MAP2: variants seen among roughly 807,000 people sequenced by gnomAD.
MAP2 encodes microtubule-associated protein 2.
In MAP2, 14 loss-of-function variants were observed where a neutral mutation model predicts 137.6. That is an observed-to-expected ratio of 0.10 (90% CI 0.07 to 0.16). The LOEUF (loss-of-function observed/expected upper bound fraction) is 0.16. Ranked by LOEUF, MAP2 falls within the 10% of genes least tolerant of loss-of-function variation. MAP2 has a pLI of 1.00. For missense variants in MAP2, 2,088 were observed against 2,191.5 expected (o/e 0.95, Z 0.94); for synonymous variants, 786 against 782.3 (o/e 1.00, Z -0.08).
rs58330460 is a variant in MAP2, at chr2:209,593,634, AATATATATATATATATAT to A, written c.-107+13557_-107+13574del. Among the ~76,000 whole-genome samples the A allele has an allele frequency of 5.3e-4, 18 of 33,646 alleles. 3 individuals are homozygous for A. The highest frequency in any genetic ancestry group is 2.6e-3 in the South Asian group (2 of 782). The allele number at this position is 33,646 out of a possible 152,430, so 22.1% of individuals were successfully genotyped here. On this transcript the variant is annotated intron_variant, in intron 3 of 15. Transcript: ENST00000682079. ...CCTGTCTCTACAAAAAAAAAAAAAA[AATATATATATATATATAT>A]ATATATATATATATATATATATGTA...
intron 14 of MAP2, among the ~76,000 whole-genome samples, chr2:209,728,773 C>T (rs2075042017): frequency 1.3e-5 from 2 of 152,160 alleles, no homozygotes; most frequent in Non-Finnish European, 2.9e-5. Context: ...ACTTTATGTA[C>T]TCAACATGTT....
chr2:209,533,852 G>A (rs1046672882), intron 2 of MAP2, among the ~76,000 whole-genome samples: 2 of 152,176 alleles, frequency 1.3e-5, no homozygotes, highest in African/African-American at 2.4e-5. Context: ...TGAGACAGGG[G>A]TAAGGGGAGC....
chr2:209,482,714 T>C (rs1033109344), intron 1 of MAP2, among the ~76,000 whole-genome samples: 1 of 152,206 alleles, frequency 6.6e-6, no homozygotes, highest in African/African-American at 2.4e-5. Context: ...ATTTAAACAC[T>C]AACTGATAGA....
intron 3 of MAP2, among the ~76,000 whole-genome samples, chr2:209,588,767 A>T (rs2078440528): frequency 6.6e-6 from 1 of 152,084 alleles, no homozygotes; most frequent in Non-Finnish European, 1.5e-5. Flanking sequence ...CTTCAGGAAA[A>T]TTTGTGATAT....
At chr2:209,614,256 G>A (rs531490018) in intron 3 of MAP2, among the ~76,000 whole-genome samples, 22 of 152,072 alleles carry the variant, frequency 1.4e-4, no homozygotes, top group Non-Finnish European at 2.6e-4. Context: ...TCTGAAAAGA[G>A]CACAAAGGAT....
At chr2:209,521,735 T>C (rs370971991) in intron 2 of MAP2, among the ~76,000 whole-genome samples, 3 of 151,956 alleles carry the variant, frequency 2.0e-5, no homozygotes, top group Non-Finnish European at 2.9e-5. Flanking sequence ...TACCAGGAGA[T>C]TGGGATTTTG....
chr2:209,616,817 C>T (rs531889560), intron 3 of MAP2, among the ~76,000 whole-genome samples: 16 of 152,264 alleles, frequency 1.1e-4, no homozygotes, highest in Admixed American at 1.3e-4. Context: ...ATGTATTAGT[C>T]TGCCCAGCCT....
At chr2:209,554,840 G>C (rs2070148751) in intron 2 of MAP2, among the ~76,000 whole-genome samples, 1 of 149,462 alleles carries the variant, frequency 6.7e-6, no homozygotes, top group Non-Finnish European at 1.5e-5. Flanking sequence ...TGTTACCACA[G>C]AATTTAAATA....
chr2:209,517,670 T>C (rs1054869193), intron 2 of MAP2, among the ~76,000 whole-genome samples: 2 of 151,996 alleles, frequency 1.3e-5, no homozygotes, highest in African/African-American at 4.8e-5. Flanking sequence ...GTATCCCACA[T>C]AGATATTCAA....
rs1278696274 is a variant in MAP2, at chr2:209,710,261, A to G, written c.5073+7A>G. On this transcript the variant is annotated splice_region_variant and intron_variant, in intron 13 of 15. Coordinates refer to ENST00000682079, the MANE Select transcript of MAP2 (RefSeq NM_001375505.1). ...CCAGCCTAAAGGGGGGCAGGTAAGAATTGCATGAACACATATTTGCTGCCA... is the reference window on the plus strand; with the variant it reads ...CCAGCCTAAAGGGGGGCAGGTAAGAGTTGCATGAACACATATTTGCTGCCA... The G allele has an allele frequency of 4.5e-6, 7 of 1,554,666 alleles. No homozygotes were observed. The South Asian group carries it at 7.0e-5, about 16-fold the overall frequency.
chr2:209,624,913 G>A (rs2091999518), intron 3 of MAP2, 140 bp from the exon 4 acceptor site: 1 of 152,150 alleles, frequency 6.6e-6, no homozygotes, highest in Admixed American at 6.5e-5. Context: ...CCACTATAAA[G>A]AACCATGATG....
intron 10 of MAP2, 43 bp downstream of exon 10, chr2:209,697,094 G>T (rs757031181): frequency 1.1e-5 from 17 of 1,520,166 alleles, no homozygotes; most frequent in Non-Finnish European, 1.5e-5. Flanking sequence ...ACATAGACAT[G>T]TATTTTTTTT....
intron 2 of MAP2, among the ~76,000 whole-genome samples, chr2:209,569,079 A>G (rs916915377): frequency 7.2e-5 from 11 of 151,884 alleles, no homozygotes; most frequent in Admixed American, 3.3e-4. Flanking sequence ...AGAAATAAAA[A>G]AATAAGTAAA....
At chr2:209,586,114 T>G (rs1186717837) in intron 3 of MAP2, among the ~76,000 whole-genome samples, 4 of 151,734 alleles carry the variant, frequency 2.6e-5, no homozygotes, top group Non-Finnish European at 5.9e-5. Context: ...ATGAAAACAA[T>G]AGGAAAATAC....
chr2:209,583,183 A>ATCTATCTATCTG (rs925310163), intron 3 of MAP2, among the ~76,000 whole-genome samples: 4 of 151,408 alleles, frequency 2.6e-5, no homozygotes, highest in Admixed American at 6.6e-5. Flanking sequence ...CTATCTATCT[A>ATCTATCTATCTG]TCTGTCTATC....
At chr2:209,603,446 A>T (rs2083605016) in intron 3 of MAP2, among the ~76,000 whole-genome samples, 1 of 152,060 alleles carries the variant, frequency 6.6e-6, no homozygotes, top group Non-Finnish European at 1.5e-5. Flanking sequence ...CAAAGGATTA[A>T]CAGATTGTGC....
chr2:209,522,895 G>A (rs17239083), intron 2 of MAP2, among the ~76,000 whole-genome samples: 3,966 of 152,190 alleles, frequency 0.026, 60 homozygotes, highest in Non-Finnish European at 0.033. Flanking sequence ...ATTATTGGTG[G>A]TGGAGTAAGT....
chr2:209,659,213 A>G (rs771462835), intron 5 of MAP2, among the ~76,000 whole-genome samples: 2 of 151,968 alleles, frequency 1.3e-5, no homozygotes, highest in African/African-American at 4.8e-5. Context: ...TAAATATGCT[A>G]CTCATTGTGA....
intron 3 of MAP2, among the ~76,000 whole-genome samples, chr2:209,587,820 G>A (rs1018176666): frequency 7.9e-5 from 12 of 152,136 alleles, no homozygotes; most frequent in African/African-American, 2.7e-4. Flanking sequence ...GCCATGACCA[G>A]GTCTCCAGAC....
Sources: allele counts gnomAD v4.1 joint callset (sites outside exome capture counted in the v4.1 genomes callset), GRCh38; gene constraint gnomAD v4.1.1; transcripts MANE v1.5; gene names NCBI Gene and HGNC (gene_info 2026-07-23, HGNC 2026-07-21).